Variants in MRAS observed in about 807,000 individuals in gnomAD.
The protein encoded by MRAS is muscle RAS oncogene homolog.
In MRAS, 4 loss-of-function variants were observed where a neutral mutation model predicts 20.9. The ratio of observed to expected loss-of-function variants is 0.19; its 90% CI spans 0.09 to 0.44. The LOEUF (loss-of-function observed/expected upper bound fraction) is 0.44, where lower values mean the gene tolerates loss of function less well. MRAS is among the 20% of genes least tolerant of loss of function. The pLI, the probability that MRAS is intolerant of heterozygous loss-of-function variation, is 0.99. For synonymous variants in MRAS, 98 were observed against 102.9 expected (o/e 0.95, Z 0.29); for missense variants, 154 against 277.5 (o/e 0.56, Z 3.16).
At position 138,403,301 on chromosome 3, in the gene MRAS, G is replaced by A. The variant is rs2055397273; in HGVS notation, c.*1032G>A. 6.6e-6 allele frequency: 1 copy of A among 152,158 alleles called. No individual in the cohort carries two copies. The highest frequency in any genetic ancestry group is 2.4e-5 in the African/African-American group (1 of 41,408). 9.4% of individuals were successfully genotyped at this position (152,158 alleles called of 1,614,324 possible). ...GATACGAATACACTGACACGTCAAA[G>A]TAACCTAATGTGGACACCATCCAGA... On this transcript the variant is annotated 3_prime_UTR_variant, in exon 6 of 6. Transcript: ENST00000423968.
intron 2 of MRAS, among the ~76,000 whole-genome samples, chr3:138,388,662 G>C (rs1011892305): frequency 2.6e-5 from 4 of 151,984 alleles, no homozygotes; most frequent in African/African-American, 9.7e-5. Flanking sequence ...TTGCACTACT[G>C]TAGTCCAGCC....
rs868568655 is a variant in MRAS at position 138,398,503 on chromosome 3, G to T, written c.382G>T (p.Val128Phe). 1 of 1,614,152 alleles carries T rather than the reference G, an allele frequency of 6.2e-7. No homozygotes were observed. Among genetic ancestry groups the T allele is most frequent in the Non-Finnish European group, 8.5e-7 (1 of 1,180,024 alleles). Residue 128 changes from valine (V) to phenylalanine (F), a missense_variant, in exon 4 of 6, where the codon GTC (valine) becomes TTC (phenylalanine). Val to Phe is a conservative substitution (Grantham distance 50). Around this residue, in one of 3 missense-constraint regions of MRAS, gnomAD observed 125 missense variants for 213.5 expected, o/e 0.59. Coordinates refer to ENST00000423968, the MANE Select transcript of MRAS (RefSeq NM_001085049.3). ...SFPMILVANK[V>F]DLMHLRKITR... ...CCCGATGATCCTCGTGGCCAACAAG[G>T]TCGATTTGATGCACTTGAGGAAGAT...
rs899845003 is a variant in MRAS at position 138,402,933 on chromosome 3, C to T, written c.*664C>T. 6.6e-6 allele frequency: 1 copy of T among 152,470 alleles called. No homozygotes were observed. The highest frequency in any genetic ancestry group is 1.5e-5 in the Non-Finnish European group (1 of 68,024). The allele number at this position is 152,470 out of a possible 1,614,324, so 9.4% of individuals were successfully genotyped here. A position where few individuals can be genotyped will look rare whatever the true frequency, so the allele number is the denominator to read the frequency against. On this transcript the variant is annotated 3_prime_UTR_variant, in exon 6 of 6. Coordinates refer to ENST00000423968, the MANE Select transcript of MRAS (RefSeq NM_001085049.3). The stretch of plus-strand genomic sequence containing the variant: ...TGGAGGCCTCAGGCCATGGGTCAAA[C>T]CTGGGAGGGAAAGAGACCCTACACA...
At chr3:138,368,619 C>T (rs1252690024) in intron 1 of MRAS, among the ~76,000 whole-genome samples, 1 of 152,164 alleles carries the variant, frequency 6.6e-6, no homozygotes, top group Non-Finnish European at 1.5e-5. Flanking sequence ...ATCCATCATC[C>T]TCAAAAGTGA....
chr3:138,386,323 T>G (rs528459446), intron 2 of MRAS, among the ~76,000 whole-genome samples: 146 of 152,074 alleles, frequency 9.6e-4, no homozygotes, highest in Non-Finnish European at 8.2e-4. Flanking sequence ...CTTTATGGAT[T>G]TGCCTACTCC....
chr3:138,353,940 G>T (rs1009482851), intron 1 of MRAS, among the ~76,000 whole-genome samples: 1 of 152,226 alleles, frequency 6.6e-6, no homozygotes, highest in Non-Finnish European at 1.5e-5. Context: ...TGCTCCTTCC[G>T]TTAGACCGTG....
At chr3:138,382,757 T>C (rs975246781) in intron 2 of MRAS, among the ~76,000 whole-genome samples, 2 of 152,238 alleles carry the variant, frequency 1.3e-5, no homozygotes, top group African/African-American at 4.8e-5. Flanking sequence ...CATCCCAAAA[T>C]CCAAGTGTTT....
intron 1 of MRAS, among the ~76,000 whole-genome samples, chr3:138,364,274 A>G (rs887699666): frequency 2.6e-5 from 4 of 152,172 alleles, no homozygotes; most frequent in African/African-American, 9.7e-5. Flanking sequence ...GAACTCAGGA[A>G]AGGCTTTGGA....
In MRAS at chr3:138,402,223, G is replaced by A; in HGVS notation, c.581G>A (p.Gly194Glu). The change falls in exon 6 of 6, where the codon GGA (glycine) becomes GAA (glutamate). Residue 194 changes from glycine to glutamate, a missense_variant. Physicochemically the swap from Gly to Glu is moderately conservative, Grantham distance 98. Around this residue, in one of 3 missense-constraint regions of MRAS, gnomAD observed 125 missense variants for 213.5 expected, o/e 0.59. Transcript: ENST00000423968. The part of the protein sequence containing the change: ...QKKKKKTKWR[G>E]DRATGTHKLQ... ...AAGAAGAAGAAAACCAAATGGCGGG[G>A]AGACCGGGCCACAGGCACCCACAAA... 1 of 1,614,270 alleles carries A rather than the reference G, an allele frequency of 6.2e-7. No homozygotes were observed. The highest frequency in any genetic ancestry group is 1.1e-5 in the South Asian group (1 of 91,088).
At chr3:138,377,803 A>T (rs1415127902) in intron 2 of MRAS, among the ~76,000 whole-genome samples, 1 of 152,258 alleles carries the variant, frequency 6.6e-6, no homozygotes, top group Non-Finnish European at 1.5e-5. Flanking sequence ...GATGAGGAGA[A>T]GGAAGAGAAT....
chr3:138,366,495 C>A (rs1242847689), intron 1 of MRAS, among the ~76,000 whole-genome samples: 1 of 152,202 alleles, frequency 6.6e-6, no homozygotes, highest in African/African-American at 2.4e-5. Flanking sequence ...AATACCAAAC[C>A]TTCAATAAAG....
chr3:138,392,428 T>C (rs779235579), intron 2 of MRAS, among the ~76,000 whole-genome samples: 3 of 152,238 alleles, frequency 2.0e-5, no homozygotes, highest in Admixed American at 6.5e-5. Flanking sequence ...GATAATTTGT[T>C]CTATATTTAA....
At chr3:138,394,810 C>G (rs575600654) in intron 2 of MRAS, among the ~76,000 whole-genome samples, 5 of 152,268 alleles carry the variant, frequency 3.3e-5, no homozygotes, top group Non-Finnish European at 7.4e-5. Context: ...CCCACACTTT[C>G]CTCCAGAAAG....
chr3:138,388,718 A>G (rs1185741688), intron 2 of MRAS, among the ~76,000 whole-genome samples: 1 of 152,156 alleles, frequency 6.6e-6, no homozygotes, highest in African/African-American at 2.4e-5. Context: ...AAAAGAAAGA[A>G]AAGAAAAGAA....
chr3:138,377,227 G>T (rs550879586), intron 2 of MRAS, among the ~76,000 whole-genome samples: 20 of 152,222 alleles, frequency 1.3e-4, no homozygotes, highest in Non-Finnish European at 2.2e-4. Flanking sequence ...CCGATTTAGG[G>T]CATTGCCCAC....
At chr3:138,398,197 G>A (rs937149802) in intron 3 of MRAS, among the ~76,000 whole-genome samples, 1 of 152,192 alleles carries the variant, frequency 6.6e-6, no homozygotes, top group Non-Finnish European at 1.5e-5. Context: ...CCAGGTCTGG[G>A]GAGCCAGCCC....
chr3:138,398,353 T>C, intron 3 of MRAS, 116 bp from the exon 4 acceptor site: 1 of 816,122 alleles, frequency 1.2e-6, no homozygotes, highest in Non-Finnish European at 2.1e-6. Flanking sequence ...CAGTCCAGGC[T>C]GACTGGGGAG....
chr3:138,356,896 G>A lies in MRAS; in HGVS notation c.-19+8129G>A, dbSNP rs538264458. ...CCATCCACCCCTACTCACTGACCCC[G>A]TCCCCCCGTCCCACCCACCGCAGTG... On this transcript the variant is annotated intron_variant, in intron 1 of 5. Transcript: ENST00000423968. 4.6e-5 allele frequency among the ~76,000 whole-genome samples: 7 copies of A among 151,982 alleles called. No homozygotes were observed. In the East Asian group the frequency reaches 5.8e-4, roughly 13 times the overall value.
At chr3:138,349,275 C>G (rs2054178952) in intron 1 of MRAS, 1 of 152,350 alleles carries the variant, frequency 6.6e-6, no homozygotes, top group Non-Finnish European at 1.5e-5. Context: ...GTGGTCACAA[C>G]TAGGGCCTGG....
Sources: allele counts gnomAD v4.1 joint callset (sites outside exome capture counted in the v4.1 genomes callset), GRCh38; gene constraint gnomAD v4.1.1; regional missense constraint gnomAD v4.1.1; transcripts MANE v1.5; gene names NCBI Gene and HGNC (gene_info 2026-07-23, HGNC 2026-07-21).